NHEJ1: variants seen among roughly 807,000 people sequenced by gnomAD.
NHEJ1 encodes the protein non-homologous end joining factor 1, also known as non-homologous end-joining factor 1.
A neutral mutation model predicts 39.4 loss-of-function variants in NHEJ1; 22 were observed. That is an observed-to-expected ratio of 0.56 (90% CI 0.40 to 0.80). NHEJ1 has a LOEUF of 0.80. Ranked by LOEUF, NHEJ1 falls within the 30% of genes least tolerant of loss-of-function variation. The pLI is 0.00. For synonymous variants in NHEJ1, 154 were observed against 135.6 expected, an observed-to-expected ratio of 1.14 and a Z score of -0.94; for missense variants, 329 against 357.1, an observed-to-expected ratio of 0.92 and a Z score of 0.63.
At chr2:219,081,197 G>A (rs932869735) in intron 5 of NHEJ1, among the ~76,000 whole-genome samples, 17 of 152,268 alleles carry the variant, frequency 1.1e-4, no homozygotes, top group Middle Eastern at 3.4e-3. Context: ...CCATTATCAC[G>A]GATTCCTTGG....
chr2:219,110,387 T>A (rs1019265643), intron 5 of NHEJ1, among the ~76,000 whole-genome samples: 3 of 151,430 alleles, frequency 2.0e-5, no homozygotes, highest in Non-Finnish European at 4.4e-5. Flanking sequence ...CCAGGTGTGG[T>A]AGGGTGCACC....
At chr2:219,101,453 C>G (rs770522552) in intron 5 of NHEJ1, among the ~76,000 whole-genome samples, 36 of 151,642 alleles carry the variant, frequency 2.4e-4, no homozygotes, top group South Asian at 8.3e-4. Context: ...GCTCAGCTGC[C>G]AGGCTGAAAT....
intron 5 of NHEJ1, among the ~76,000 whole-genome samples, chr2:219,133,236 A>C (rs1037003895): frequency 1.3e-5 from 2 of 152,284 alleles, no homozygotes; most frequent in Non-Finnish European, 2.9e-5. Flanking sequence ...ATGCAAAAGA[A>C]ATATCACCCG....
intron 3 of NHEJ1, among the ~76,000 whole-genome samples, chr2:219,153,692 A>AGGG (rs61240146): frequency 2.9e-4 from 23 of 79,424 alleles, no homozygotes; most frequent in African/African-American, 1.1e-3. Flanking sequence ...AAGAAAGAAA[A>AGGG]GGGGGGGGGG....
intron 5 of NHEJ1, among the ~76,000 whole-genome samples, chr2:219,100,329 A>G (rs1374492786): frequency 6.6e-6 from 1 of 152,024 alleles, no homozygotes. Context: ...TTGGCTGTGC[A>G]TGGTGGCTCA....
chr2:219,076,560 T>A, intron 7 of NHEJ1, 105 bp from the exon 8 acceptor site: 1 of 402,396 alleles, frequency 2.5e-6, no homozygotes, highest in Non-Finnish European at 3.8e-6. Flanking sequence ...ATGAGGCCTT[T>A]TTTTTTTTTT....
In NHEJ1 at chr2:219,069,626, G is replaced by T. The variant is rs1052483; in HGVS notation, c.*6755C>A. The T allele has an allele frequency of 0.13, 19,198 of 152,240 alleles. 1,349 individuals are homozygous for T. The highest frequency in any genetic ancestry group is 0.2 in the African/African-American group (8,260 of 41,500). The allele number at this position is 152,240 out of a possible 1,614,324, so 9.4% of individuals were successfully genotyped here. ...GATGGGAATCTCAAAGATGATGGCGGTCATCAAATGGAACTGAAGCAGGTA... is the reference window on the plus strand; with the variant it reads ...GATGGGAATCTCAAAGATGATGGCGTTCATCAAATGGAACTGAAGCAGGTA... On this transcript the variant is annotated 3_prime_UTR_variant, in exon 8 of 8. Coordinates refer to ENST00000356853, the MANE Select transcript of NHEJ1 (RefSeq NM_024782.3).
At chr2:219,118,154 A>G (rs1432255470) in intron 5 of NHEJ1, among the ~76,000 whole-genome samples, 1 of 152,152 alleles carries the variant, frequency 6.6e-6, no homozygotes, top group Non-Finnish European at 1.5e-5. Context: ...TTGAACTCAC[A>G]TAACCTAGCT....
intron 5 of NHEJ1, among the ~76,000 whole-genome samples, chr2:219,105,965 T>C (rs1301852342): frequency 6.6e-6 from 1 of 152,252 alleles, no homozygotes; most frequent in Non-Finnish European, 1.5e-5. Context: ...AAGATCCATC[T>C]TCTAACATAA....
intron 5 of NHEJ1, among the ~76,000 whole-genome samples, chr2:219,096,709 G>A (rs763610728): frequency 5.3e-5 from 8 of 152,192 alleles, no homozygotes; most frequent in Non-Finnish European, 1.2e-4. Context: ...CAAGTGTTGG[G>A]AGCAGAGGGC....
chr2:219,093,360 A>G (rs1949178792), intron 5 of NHEJ1, among the ~76,000 whole-genome samples: 1 of 152,232 alleles, frequency 6.6e-6, no homozygotes, highest in African/African-American at 2.4e-5. Flanking sequence ...GAAACTGTGC[A>G]TCTTTAGGTT....
chr2:219,094,896 C>A (rs1187686378), intron 5 of NHEJ1, among the ~76,000 whole-genome samples: 1 of 152,118 alleles, frequency 6.6e-6, no homozygotes, highest in Admixed American at 6.5e-5. Flanking sequence ...TACAGGGCAT[C>A]TTGAACACCT....
intron 5 of NHEJ1, among the ~76,000 whole-genome samples, chr2:219,114,702 T>C (rs556907983): frequency 6.6e-6 from 1 of 152,330 alleles, no homozygotes; most frequent in South Asian, 2.1e-4. Context: ...TGGAGACCAG[T>C]GCCCATCTAA....
chr2:219,152,418 C>A (rs1032169495), intron 3 of NHEJ1, among the ~76,000 whole-genome samples: 5 of 152,054 alleles, frequency 3.3e-5, no homozygotes, highest in African/African-American at 1.2e-4. Flanking sequence ...TCAGCCTGGG[C>A]AACATAGTAA....
intron 5 of NHEJ1, among the ~76,000 whole-genome samples, chr2:219,101,471 T>C (rs1045795447): frequency 2.0e-5 from 3 of 152,012 alleles, no homozygotes; most frequent in Admixed American, 6.5e-5. Flanking sequence ...AATGCAGTGG[T>C]GGGATCATAG....
At chr2:219,077,118 C>A (rs1272411119) in intron 7 of NHEJ1, 128 bp downstream of exon 7, 2 of 745,278 alleles carry the variant, frequency 2.7e-6, no homozygotes, top group African/African-American at 1.7e-5. Flanking sequence ...CAATTTGGAG[C>A]CTGGTCACAA....
At chr2:219,129,423 C>T (rs2106349956) in intron 5 of NHEJ1, among the ~76,000 whole-genome samples, 1 of 152,308 alleles carries the variant, frequency 6.6e-6, no homozygotes, top group African/African-American at 2.4e-5. Flanking sequence ...TCTCCAAGAG[C>T]TCTGAGAAGT....
intron 5 of NHEJ1, among the ~76,000 whole-genome samples, chr2:219,105,913 A>G (rs745940367): frequency 2.4e-4 from 37 of 152,332 alleles, no homozygotes; most frequent in Non-Finnish European, 4.9e-4. Flanking sequence ...CCATGGGGTT[A>G]TAAGCTCCTT....
At chr2:219,096,720 A>G (rs1342246768) in intron 5 of NHEJ1, among the ~76,000 whole-genome samples, 1 of 152,210 alleles carries the variant, frequency 6.6e-6, no homozygotes, top group Admixed American at 6.5e-5. Context: ...AGCAGAGGGC[A>G]TAAGACAGGA....
Sources: allele counts gnomAD v4.1 joint callset (sites outside exome capture counted in the v4.1 genomes callset), GRCh38; gene constraint gnomAD v4.1.1; transcripts MANE v1.5; gene names NCBI Gene and HGNC (gene_info 2026-07-23, HGNC 2026-07-21).